RASA3: variants seen among roughly 807,000 people sequenced by gnomAD.
RASA3 encodes RAS p21 protein activator 3, also known as ras GTPase-activating protein 3.
A neutral mutation model predicts 110.0 loss-of-function variants in RASA3; 73 were observed. The ratio of observed to expected loss-of-function variants is 0.66; its 90% CI spans 0.55 to 0.81. The LOEUF (loss-of-function observed/expected upper bound fraction) is 0.81, where lower values mean the gene tolerates loss of function less well. RASA3 is among the 30% of genes least tolerant of loss of function. RASA3 has a pLI of 0.00. For missense variants in RASA3, 976 were observed against 1,113.2 expected (o/e 0.88, Z 1.75); for synonymous variants, 500 against 451.4 (o/e 1.11, Z -1.37).
At chr13:114,027,196 C>T (rs113751429) in intron 7 of RASA3, among the ~76,000 whole-genome samples, 193 bp downstream of exon 7, 38 of 151,882 alleles carry the variant, frequency 2.5e-4, no homozygotes, top group East Asian at 3.9e-4. Flanking sequence ...CGCTCCTCTC[C>T]GGAAGGAACC....
intron 1 of RASA3, chr13:114,077,856 A>T (rs950275577): frequency 1.0e-5 from 10 of 983,754 alleles, no homozygotes; most frequent in Non-Finnish European, 1.2e-5. Flanking sequence ...TTTTTAATCT[A>T]CTTTTGCTAT....
At chr13:114,101,030 GA>G (rs1312512065) in intron 1 of RASA3, among the ~76,000 whole-genome samples, 1 of 152,194 alleles carries the variant, frequency 6.6e-6, no homozygotes, top group Non-Finnish European at 1.5e-5. Context: ...TGTCAGGCTG[GA>G]CACACCTGGG....
At chr13:114,124,582 C>T (rs763213925) in intron 1 of RASA3, among the ~76,000 whole-genome samples, 2 of 152,216 alleles carry the variant, frequency 1.3e-5, no homozygotes, top group African/African-American at 2.4e-5. Flanking sequence ...TCACAGGTGA[C>T]GTAACCCTCA....
chr13:114,059,847 C>T (rs1027226358), intron 2 of RASA3, among the ~76,000 whole-genome samples: 5 of 152,262 alleles, frequency 3.3e-5, no homozygotes, highest in Non-Finnish European at 7.3e-5. Context: ...CTGCCCATCC[C>T]CGTTCTAGAC....
chr13:114,004,355 TCAAA>T (rs10590327), intron 18 of RASA3, among the ~76,000 whole-genome samples: 84,030 of 151,238 alleles, frequency 0.56, 24,754 homozygotes, highest in African/African-American at 0.76. Flanking sequence ...TAGAAGGAAC[TCAAA>T]CAACTTAACA....
At chr13:114,064,766 G>T (rs773020926) in intron 2 of RASA3, among the ~76,000 whole-genome samples, 1 of 152,202 alleles carries the variant, frequency 6.6e-6, no homozygotes, top group Non-Finnish European at 1.5e-5. Flanking sequence ...GGACAGGCCG[G>T]CTTTGTCTCC....
intron 9 of RASA3, among the ~76,000 whole-genome samples, chr13:114,020,308 C>A (rs1467105794): frequency 6.6e-6 from 1 of 151,964 alleles, no homozygotes; most frequent in Admixed American, 6.6e-5. Flanking sequence ...GCATTAGCCG[C>A]CCCCCATCGC....
chr13:113,992,907 C>T (rs2053152701), intron 21 of RASA3, among the ~76,000 whole-genome samples: 1 of 152,196 alleles, frequency 6.6e-6, no homozygotes, highest in African/African-American at 2.4e-5. Context: ...TTAAAATGTG[C>T]TTATCATTTG....
intron 22 of RASA3, among the ~76,000 whole-genome samples, chr13:113,983,447 G>A (rs574142844): frequency 1.6e-5 from 2 of 121,906 alleles, no homozygotes; most frequent in East Asian, 2.4e-4. Context: ...CCTCCTGACC[G>A]CTGACAGCAA....
At chr13:114,070,080 G>A (rs181086573) in intron 2 of RASA3, among the ~76,000 whole-genome samples, 1,721 of 86,270 alleles carry the variant, frequency 0.02, 48 homozygotes, top group Middle Eastern at 0.072. Context: ...TCGGGGAGCC[G>A]GGAGACTTGG....
intron 2 of RASA3, among the ~76,000 whole-genome samples, chr13:114,070,203 T>TG (rs1170208780): frequency 5.4e-4 from 8 of 14,832 alleles, no homozygotes; most frequent in Non-Finnish European, 1.1e-3. Flanking sequence ...GCTGGGAGAC[T>TG]GGGGGGTGGG....
At chr13:114,102,584 A>T (rs529624641) in intron 1 of RASA3, among the ~76,000 whole-genome samples, 67 of 152,102 alleles carry the variant, frequency 4.4e-4, no homozygotes, top group African/African-American at 1.4e-3. Flanking sequence ...AACCATCACG[A>T]CCCCATTTTG....
intron 2 of RASA3, 66 bp downstream of exon 2, chr13:114,073,654 C>A: frequency 2.3e-6 from 3 of 1,295,208 alleles, no homozygotes; most frequent in Non-Finnish European, 3.4e-6. Context: ...GTGACGTACA[C>A]CCTTGGGACA....
intron 1 of RASA3, among the ~76,000 whole-genome samples, chr13:114,087,672 T>A (rs1022530170): frequency 8.5e-5 from 13 of 152,106 alleles, no homozygotes; most frequent in African/African-American, 3.1e-4. Context: ...CAGGCTGACA[T>A]GGGGCTGACG....
chr13:114,001,034 G>A (rs1276981934), intron 18 of RASA3, 102 bp from the exon 19 acceptor site: 7 of 758,386 alleles, frequency 9.2e-6, no homozygotes, highest in African/African-American at 1.7e-5. Flanking sequence ...ACCTGAGGCA[G>A]GCAGTGGATT....
chr13:113,983,446 C>T (rs4381470), intron 22 of RASA3, among the ~76,000 whole-genome samples: 18,863 of 120,414 alleles, frequency 0.16, 4,789 homozygotes, highest in Non-Finnish European at 0.25. Flanking sequence ...TCCTCCTGAC[C>T]GCTGACAGCA....
rs960905711 is a variant in RASA3, at chr13:114,114,803, CAT to C, written c.55+17630_55+17631del. Among the ~76,000 whole-genome samples the C allele has an allele frequency of 2.0e-5, 3 of 152,346 alleles. No individual in the cohort carries two copies. Among genetic ancestry groups the C allele is most frequent in the African/African-American group, 7.2e-5 (3 of 41,580 alleles). ...CTTTGATTTTTCAACCACCCGCCCTCATGTGCAGGGACAGGGCAGAGTCGTGA... is the reference window on the plus strand; with the variant it reads ...CTTTGATTTTTCAACCACCCGCCCTCGTGCAGGGACAGGGCAGAGTCGTGA... On this transcript the variant is annotated intron_variant, in intron 1 of 23. Transcript: ENST00000334062. This position sits in a 1 kb window ranked among gnomAD's most constrained non-coding sequence, Gnocchi z 4.8.
chr13:114,110,851 C>T (rs574800634), intron 1 of RASA3, among the ~76,000 whole-genome samples: 1 of 152,338 alleles, frequency 6.6e-6, no homozygotes, highest in East Asian at 1.9e-4. Context: ...GAGTGAGAAT[C>T]CTCCTGAGAG....
rs575523673 is a variant in RASA3, at chr13:114,011,377, CAG to C, written c.1513-131_1513-130del. 283 of 808,712 alleles carry C rather than the reference CAG, an allele frequency of 3.5e-4. 1 individual carries two copies. The African/African-American group carries it at 3.6e-3, about 10-fold the overall frequency. The allele number at this position is 808,712 out of a possible 1,614,324, so 50.1% of individuals were successfully genotyped here. A position where few individuals can be genotyped will look rare whatever the true frequency, so the allele number is the denominator to read the frequency against. ...GGCTTGTGCATGAGCTACGGAGAAA[CAG>C]GGGTAGCGACGCAGATGGGACTGGA... On this transcript the variant is annotated intron_variant, in intron 15 of 23. Coordinates refer to ENST00000334062, the MANE Select transcript of RASA3 (RefSeq NM_007368.4). The surrounding 1 kb of genome is among the most constrained non-coding windows in gnomAD (Gnocchi z 4.8).
Sources: gnomAD v4.1 joint callset for allele counts (sites outside exome capture counted in the v4.1 genomes callset) on GRCh38, gnomAD v4.1.1 for gene constraint, Gnocchi (gnomAD v3.1) non-coding constraint, MANE v1.5 for transcripts, NCBI Gene and HGNC (gene_info 2026-07-23, HGNC 2026-07-21) for gene names.